Variants in WNT9A observed in about 807,000 individuals in gnomAD.
WNT9A encodes Wnt family member 9A.
Under a neutral mutation model 31.4 loss-of-function variants are expected in WNT9A, and 8 were observed. That is an observed-to-expected ratio of 0.26 (90% CI 0.15 to 0.46). WNT9A has a LOEUF of 0.46. WNT9A is among the 20% of genes least tolerant of loss of function. WNT9A has a pLI of 0.99. For missense variants in WNT9A, 457 were observed against 522.9 expected, an observed-to-expected ratio of 0.87 and a Z score of 1.23; for synonymous variants, 236 against 220.1, an observed-to-expected ratio of 1.07 and a Z score of -0.64.
chr1:227,924,269 C>A lies in WNT9A; in HGVS notation c.484G>T (p.Ala162Ser), dbSNP rs758957484. Residue 162 changes from alanine to serine, a missense_variant, in exon 3 of 4, where the codon GCC becomes TCC. Transcript: ENST00000272164. ...DEAPDLENRE[A>S]WQWGGCGDNL... ...TCTCCGCAGCCCCCCCACTGCCAGGCCTCACGGTTCTCCAGGTCGGGTGCC... is the reference window on the plus strand; with the variant it reads ...TCTCCGCAGCCCCCCCACTGCCAGGACTCACGGTTCTCCAGGTCGGGTGCC... 6.2e-7 allele frequency: 1 copy of A among 1,613,898 alleles called. No individual in the cohort carries two copies.
At chr1:227,924,062 T>TACCC in intron 3 of WNT9A, 76 bp downstream of exon 3, 4 of 234,960 alleles carry the variant, frequency 1.7e-5, no homozygotes, top group Non-Finnish European at 1.9e-5. Flanking sequence ...CCGCCCCCAG[T>TACCC]CCCACGCCCC....
intron 3 of WNT9A, 45 bp from the exon 4 acceptor site, chr1:227,922,045 G>T (rs762779695): frequency 6.4e-7 from 1 of 1,556,910 alleles, no homozygotes; most frequent in African/African-American, 1.3e-5. Context: ...GGGCTGTGCA[G>T]GTGGGCCCAG....
At chr1:227,923,120 C>T (rs185008234) in intron 3 of WNT9A, among the ~76,000 whole-genome samples, 2 of 152,146 alleles carry the variant, frequency 1.3e-5, no homozygotes, top group Non-Finnish European at 2.9e-5. Flanking sequence ...TCTCCCCTGC[C>T]CAAGAAGGCG....
At chr1:227,935,898 G>C (rs964640041) in intron 1 of WNT9A, among the ~76,000 whole-genome samples, 5 of 152,160 alleles carry the variant, frequency 3.3e-5, no homozygotes, top group Admixed American at 2.6e-4. Context: ...GGCAGCACAG[G>C]GCCAGAGAAC....
chr1:227,931,494 C>T (rs1235217268), intron 1 of WNT9A, among the ~76,000 whole-genome samples: 1 of 152,222 alleles, frequency 6.6e-6, no homozygotes, highest in Non-Finnish European at 1.5e-5. Context: ...AAAAGATTTC[C>T]TTTCTGATCC....
chr1:227,924,235 T>C lies in WNT9A; in HGVS notation c.518A>G (p.Lys173Arg), dbSNP rs993545571. 6.2e-7 allele frequency: 1 copy of C among 1,613,614 alleles called. No homozygotes were observed. The highest frequency in any genetic ancestry group is 1.3e-5 in the African/African-American group (1 of 74,866). The change falls in exon 3 of 4, where the codon AAG becomes AGG. Residue 173 changes from lysine to arginine, a missense_variant. By Grantham distance (26) the Lys-to-Arg change is conservative. Transcript: ENST00000272164. ...WQWGGCGDNL[K>R]YSSKFVKEFL... ...TTCCTTGACGAACTTGCTGCTGTAC[T>C]TAAGGTTGTCTCCGCAGCCCCCCCA...
At chr1:227,936,645 T>TTTTA (rs1666600634) in intron 1 of WNT9A, among the ~76,000 whole-genome samples, 1 of 151,710 alleles carries the variant, frequency 6.6e-6, no homozygotes, top group African/African-American at 2.4e-5. Flanking sequence ...TTTTTTTTTT[T>TTTTA]GAGACATGGT....
chr1:227,922,528 G>A (rs1666340670), intron 3 of WNT9A, among the ~76,000 whole-genome samples: 2 of 152,244 alleles, frequency 1.3e-5, no homozygotes, highest in African/African-American at 4.8e-5. Context: ...CCGGTGCTGA[G>A]GGTCAGCCTG....
intron 1 of WNT9A, among the ~76,000 whole-genome samples, chr1:227,931,825 G>C (rs541768732): frequency 2.0e-5 from 3 of 152,010 alleles, no homozygotes; most frequent in Non-Finnish European, 4.4e-5. Context: ...CATGCTGGTA[G>C]CTGCTGACTG....
intron 1 of WNT9A, among the ~76,000 whole-genome samples, chr1:227,946,431 A>T (rs1666793828): frequency 6.6e-6 from 1 of 152,196 alleles, no homozygotes; most frequent in Non-Finnish European, 1.5e-5. Flanking sequence ...GGCCACGGTG[A>T]GTCACCGCGG....
At chr1:227,938,558 T>G (rs988603794) in intron 1 of WNT9A, among the ~76,000 whole-genome samples, 1 of 151,464 alleles carries the variant, frequency 6.6e-6, no homozygotes, top group Non-Finnish European at 1.5e-5. Flanking sequence ...CGTAAACCGA[T>G]AGAGATGCAC....
At chr1:227,932,948 T>C (rs1666537127) in intron 1 of WNT9A, among the ~76,000 whole-genome samples, 1 of 152,212 alleles carries the variant, frequency 6.6e-6, no homozygotes, top group Non-Finnish European at 1.5e-5. Flanking sequence ...TTAACAGTCA[T>C]GGAATTGTTG....
intron 2 of WNT9A, 103 bp from the exon 3 acceptor site, chr1:227,924,503 C>A (rs1264153356): frequency 1.4e-6 from 2 of 1,447,504 alleles, no homozygotes; most frequent in Admixed American, 2.3e-5. Flanking sequence ...CATGTTGGGG[C>A]TCAGAGCATC....
chr1:227,934,629 AGTTCTCT>A (rs1222245880), intron 1 of WNT9A, among the ~76,000 whole-genome samples: 1 of 152,094 alleles, frequency 6.6e-6, no homozygotes, highest in African/African-American at 2.4e-5. Context: ...GTTGGCCTGT[AGTTCTCT>A]CTCTAGCTTC....
At chr1:227,931,038 C>T (rs183804883) in intron 1 of WNT9A, among the ~76,000 whole-genome samples, 67 of 152,042 alleles carry the variant, frequency 4.4e-4, no homozygotes, top group Admixed American at 4.4e-3. Context: ...TATCAAATGT[C>T]ATCCCTACAT....
chr1:227,926,100 A>T lies in WNT9A; in HGVS notation c.96-581T>A, dbSNP rs1666417346. ...GTTCCAGCTGGGGTCTCCCCACCTC[A>T]GTGCCTGGGTGTGGCACTGGGAAGC... On this transcript the variant is annotated intron_variant, in intron 1 of 3. Transcript: ENST00000272164. The surrounding 1 kb of genome is among the most constrained non-coding windows in gnomAD (Gnocchi z 5.0). Among the ~76,000 whole-genome samples, 1 of 151,952 alleles carries T rather than the reference A, an allele frequency of 6.6e-6. No individual in the cohort carries two copies. Among genetic ancestry groups the T allele is most frequent in the African/African-American group, 2.4e-5 (1 of 41,380 alleles).
At chr1:227,945,047 G>C (rs1666772445) in intron 1 of WNT9A, among the ~76,000 whole-genome samples, 1 of 152,234 alleles carries the variant, frequency 6.6e-6, no homozygotes, top group Admixed American at 6.5e-5. Flanking sequence ...CAGAGGGTCT[G>C]GGCCCAGGAG....
At chr1:227,943,130 A>G (rs1272635212) in intron 1 of WNT9A, among the ~76,000 whole-genome samples, 1 of 152,160 alleles carries the variant, frequency 6.6e-6, no homozygotes, top group Non-Finnish European at 1.5e-5. Flanking sequence ...CACTAATGTG[A>G]GAAACACATC....
At chr1:227,931,465 G>A (rs1385868677) in intron 1 of WNT9A, among the ~76,000 whole-genome samples, 3 of 152,168 alleles carry the variant, frequency 2.0e-5, no homozygotes, top group South Asian at 4.1e-4. Flanking sequence ...GCCATCTAAG[G>A]ACTGAGCTAT....
Sources: gnomAD v4.1 joint callset for allele counts (sites outside exome capture counted in the v4.1 genomes callset) on GRCh38, gnomAD v4.1.1 for gene constraint, Gnocchi (gnomAD v3.1) non-coding constraint, MANE v1.5 for transcripts, NCBI Gene and HGNC (gene_info 2026-07-23, HGNC 2026-07-21) for gene names.